The following POC1B variants were observed in gnomAD, a reference collection of about 807,000 sequenced individuals.
The protein encoded by POC1B is POC1 centriolar protein homolog B.
Under a neutral mutation model 60.6 loss-of-function variants are expected in POC1B, and 44 were observed. The observed-to-expected ratio is 0.73, with a 90% CI of 0.57 to 0.93. The LOEUF (loss-of-function observed/expected upper bound fraction) is 0.93, where lower values mean the gene tolerates loss of function less well. Among genes scored for constraint, POC1B ranks in the 40% least tolerant of loss-of-function variants. The pLI is 0.00. For synonymous variants in POC1B, 180 were observed against 198.9 expected (o/e 0.90, Z 0.80); for missense variants, 555 against 572.3 (o/e 0.97, Z 0.31).
At chr12:89,475,686 T>C (rs187832724) in intron 4 of POC1B, among the ~76,000 whole-genome samples, 5 of 152,146 alleles carry the variant, frequency 3.3e-5, no homozygotes, top group Non-Finnish European at 7.4e-5. Context: ...AAATTTCTAC[T>C]AAGACATTAA....
At chr12:89,468,298 T>A (rs1465649833) in intron 7 of POC1B, among the ~76,000 whole-genome samples, 1 of 152,178 alleles carries the variant, frequency 6.6e-6, no homozygotes, top group East Asian at 1.9e-4. Context: ...AATGAAAACC[T>A]GAAATTGAGC....
At chr12:89,407,265 T>C in the POC1B span, among the ~76,000 whole-genome samples, 1 of 151,770 alleles carries the variant, frequency 6.6e-6, no homozygotes, top group Admixed American at 6.6e-5. Flanking sequence ...TGGAGTCTCA[T>C]TCTATTGCCC....
At chr12:89,410,399 G>T in the POC1B span, among the ~76,000 whole-genome samples, 2 of 152,128 alleles carry the variant, frequency 1.3e-5, no homozygotes, top group Admixed American at 6.6e-5. Flanking sequence ...CCGGCACAAG[G>T]TCGGGCGCGG....
chr12:89,500,324 T>C, intron 2 of POC1B: 1 of 1,527,470 alleles, frequency 6.5e-7, no homozygotes, highest in Non-Finnish European at 9.0e-7. Flanking sequence ...AAGCAAAGAG[T>C]GCCAGAAATC....
chr12:89,418,936 G>C (rs544160361), downstream of POC1B, among the ~76,000 whole-genome samples: 5 of 152,278 alleles, frequency 3.3e-5, no homozygotes, highest in South Asian at 1.0e-3. Context: ...TAGTCTTCCA[G>C]CCAAGAGATT....
chr12:89,488,026 A>G (rs1329434786), intron 4 of POC1B, among the ~76,000 whole-genome samples: 1 of 152,180 alleles, frequency 6.6e-6, no homozygotes, highest in Non-Finnish European at 1.5e-5. Context: ...ATATAGCTAT[A>G]TGGTACAGGG....
At chr12:89,482,181 G>A (rs965103237) in intron 4 of POC1B, among the ~76,000 whole-genome samples, 2 of 152,138 alleles carry the variant, frequency 1.3e-5, no homozygotes, top group Admixed American at 1.3e-4. Context: ...GGCATCATGG[G>A]CAAACCAATG....
intron 2 of POC1B, among the ~76,000 whole-genome samples, chr12:89,514,686 G>T (rs1218587165): frequency 2.0e-5 from 3 of 152,028 alleles, no homozygotes; most frequent in Non-Finnish European, 4.4e-5. Flanking sequence ...GGGATTGCAG[G>T]CATAAGCCAC....
chr12:89,489,606 G>T (rs896761883), intron 4 of POC1B, among the ~76,000 whole-genome samples: 3 of 152,138 alleles, frequency 2.0e-5, no homozygotes, highest in African/African-American at 2.4e-5. Flanking sequence ...TAACGACAGT[G>T]AGGAGTGTGG....
chr12:89,514,823 G>A (rs1415067273), intron 2 of POC1B, among the ~76,000 whole-genome samples: 1 of 152,076 alleles, frequency 6.6e-6, no homozygotes, highest in Non-Finnish European at 1.5e-5. Flanking sequence ...ATGACCAGAA[G>A]TTGAAGCCTC....
At chr12:89,431,598 A>G (rs997392115) in intron 10 of POC1B, among the ~76,000 whole-genome samples, 11 of 152,230 alleles carry the variant, frequency 7.2e-5, no homozygotes, top group African/African-American at 2.7e-4. Flanking sequence ...CAATGATAAA[A>G]TTTAGAGTAG....
At chr12:89,406,141 T>C in the POC1B span, among the ~76,000 whole-genome samples, 1 of 152,050 alleles carries the variant, frequency 6.6e-6, no homozygotes, top group Non-Finnish European at 1.5e-5. Context: ...CAGAGACACA[T>C]GGCCAAGCTG....
intron 10 of POC1B, among the ~76,000 whole-genome samples, chr12:89,429,744 A>G (rs1880952401): frequency 6.6e-6 from 1 of 152,224 alleles, no homozygotes; most frequent in African/African-American, 2.4e-5. Flanking sequence ...TGAGCAGGAA[A>G]TAAACAAGCA....
chr12:89,494,618 GCTGGTGTTGTGA>G (rs1028088980), intron 3 of POC1B, among the ~76,000 whole-genome samples: 2 of 152,102 alleles, frequency 1.3e-5, no homozygotes, highest in African/African-American at 4.8e-5. Context: ...CTCCCTTTGG[GCTGGTGTTGTGA>G]CTTTACTCTG....
chr12:89,503,840 C>A (rs12312792), intron 2 of POC1B, among the ~76,000 whole-genome samples: 1 of 50,700 alleles, frequency 2.0e-5, no homozygotes, highest in Admixed American at 1.9e-4. Context: ...CCCCTCCGCC[C>A]GGCAGCCGCC....
At chr12:89,428,672 T>G (rs1399174869) in intron 10 of POC1B, 1 of 152,278 alleles carries the variant, frequency 6.6e-6, no homozygotes, top group Non-Finnish European at 1.5e-5. Context: ...TTCTCCTGCC[T>G]CAGCCTCCCG....
chr12:89,458,248 A>G (rs1240556294), intron 10 of POC1B, among the ~76,000 whole-genome samples: 1 of 152,200 alleles, frequency 6.6e-6, no homozygotes, highest in African/African-American at 2.4e-5. Flanking sequence ...AACTCATCAG[A>G]TTTTGTAAAT....
chr12:89,450,906 G>T (rs1882014544), intron 10 of POC1B, among the ~76,000 whole-genome samples: 1 of 152,118 alleles, frequency 6.6e-6, no homozygotes. Context: ...TTAACAGAGA[G>T]AATTTAATAT....
chr12:89,493,099 C>T (rs964134988), intron 3 of POC1B, among the ~76,000 whole-genome samples: 2 of 152,176 alleles, frequency 1.3e-5, no homozygotes, highest in African/African-American at 2.4e-5. Context: ...GAACTTTGTA[C>T]TCGGAACAGT....
Sources: gnomAD v4.1 joint callset for allele counts (sites outside exome capture counted in the v4.1 genomes callset) on GRCh38, gnomAD v4.1.1 for gene constraint, MANE v1.5 for transcripts, NCBI Gene and HGNC (gene_info 2026-07-23, HGNC 2026-07-21) for gene names.